Variants in ZNF804A observed in about 807,000 individuals in gnomAD.
ZNF804A encodes the protein zinc finger protein 804A.
A neutral mutation model predicts 16.5 loss-of-function variants in ZNF804A; 2 were observed. The ratio of observed to expected loss-of-function variants is 0.12; its 90% CI spans 0.05 to 0.38. The LOEUF is 0.38. Among genes scored for constraint, ZNF804A ranks in the 10% least tolerant of loss-of-function variants. The pLI is 0.99. For missense variants in ZNF804A, 1,473 were observed against 1,390.7 expected (o/e 1.06, Z -0.94); for synonymous variants, 534 against 489.6 (o/e 1.09, Z -1.20).
chr2:184,928,985 G>A (rs1023989767), intron 2 of ZNF804A, among the ~76,000 whole-genome samples: 3 of 152,200 alleles, frequency 2.0e-5, no homozygotes, highest in Non-Finnish European at 4.4e-5. Context: ...GTGAAATGAA[G>A]TTAAACCCAG....
chr2:184,862,842 T>C (rs1377572505), intron 1 of ZNF804A, among the ~76,000 whole-genome samples: 1 of 152,116 alleles, frequency 6.6e-6, no homozygotes, highest in Non-Finnish European at 1.5e-5. Context: ...TATTAGAGAA[T>C]TGGAGCTATT....
At chr2:184,750,778 A>T (rs991251496) in intron 1 of ZNF804A, among the ~76,000 whole-genome samples, 1 of 151,422 alleles carries the variant, frequency 6.6e-6, no homozygotes, top group Admixed American at 6.6e-5. Context: ...TCTAGGAATT[A>T]TACATCTTTT....
intron 1 of ZNF804A, among the ~76,000 whole-genome samples, chr2:184,664,856 A>G (rs1353715118): frequency 6.6e-6 from 1 of 152,170 alleles, no homozygotes. Flanking sequence ...GACTGTAATT[A>G]TGTGTTTTCT....
chr2:184,631,785 CA>C lies in ZNF804A; in HGVS notation c.111+32719del, dbSNP rs1276588780. 3.3e-5 allele frequency among the ~76,000 whole-genome samples: 5 copies of C among 152,032 alleles called. No homozygotes were observed. In the East Asian group the frequency reaches 9.6e-4, roughly 29 times the overall value. On this transcript the variant is annotated intron_variant, in intron 1 of 3. Coordinates refer to ENST00000302277, the MANE Select transcript of ZNF804A (RefSeq NM_194250.2). The stretch of plus-strand genomic sequence containing the variant: ...CAATTGATAACTTTGATTTATGAAA[CA>C]AAATCACTCCAAAAAGCTTATTGTC...
chr2:184,685,555 T>C (rs1373092767), intron 1 of ZNF804A, among the ~76,000 whole-genome samples: 1 of 152,060 alleles, frequency 6.6e-6, no homozygotes, highest in Non-Finnish European at 1.5e-5. Context: ...GGAGCTTCAT[T>C]GAGTGACAGA....
intron 2 of ZNF804A, among the ~76,000 whole-genome samples, chr2:184,926,725 C>A (rs986601082): frequency 1.3e-5 from 2 of 152,050 alleles, no homozygotes; most frequent in African/African-American, 4.8e-5. Context: ...CCTCTGACTT[C>A]GTGTTTTTAA....
Position 184,937,497 on chromosome 2 carries a change from A to C in ZNF804A, c.2101A>C (p.Asn701His). Residue 701 changes from asparagine to histidine, a missense_variant, in exon 4 of 4, where the codon AAT becomes CAT. Transcript: ENST00000302277. Reference protein sequence around the residue: ...NHCKKNTILLNGQSNATMIHS... With the variant: ...NHCKKNTILLHGQSNATMIHS... ...CTGTAAAAAGAACACAATACTTTTA[A>C]ATGGACAATCAAATGCAACAATGAT... 1 of 1,612,292 alleles carries C rather than the reference A, an allele frequency of 6.2e-7. No homozygotes were observed.
chr2:184,933,800 G>T lies in ZNF804A; in HGVS notation c.386+67G>T, dbSNP rs143691624. On this transcript the variant is annotated intron_variant, in intron 3 of 3. Transcript: ENST00000302277. ...CAAAAAAGGGGTATAGGGGGAGTCA[G>T]AAATAAAGGGCACAAATCTATTTAT... The T allele has an allele frequency of 3.6e-5, 53 of 1,483,662 alleles. 1 individual carries two copies. In the South Asian group the frequency reaches 6.3e-4, roughly 18 times the overall value. The allele number at this position is 1,483,662 out of a possible 1,614,324, so 91.9% of individuals were successfully genotyped here.
intron 1 of ZNF804A, among the ~76,000 whole-genome samples, chr2:184,643,002 A>G (rs1433882429): frequency 1.3e-5 from 2 of 152,116 alleles, no homozygotes; most frequent in Non-Finnish European, 2.9e-5. Context: ...ATTGATCTAC[A>G]GCTTCTCTAA....
chr2:184,616,036 C>G (rs971950858), intron 1 of ZNF804A, among the ~76,000 whole-genome samples: 1 of 152,192 alleles, frequency 6.6e-6, no homozygotes, highest in African/African-American at 2.4e-5. Context: ...AATCTGTCCT[C>G]CACCTTTCCA....
chr2:184,820,595 C>A (rs765989185), intron 1 of ZNF804A, among the ~76,000 whole-genome samples: 5 of 151,776 alleles, frequency 3.3e-5, no homozygotes, highest in Non-Finnish European at 5.9e-5. Context: ...AGAAATAAAG[C>A]ATGTTCAAAT....
chr2:184,868,038 T>C (rs1050533435), intron 2 of ZNF804A, among the ~76,000 whole-genome samples: 1 of 152,104 alleles, frequency 6.6e-6, no homozygotes, highest in Non-Finnish European at 1.5e-5. Context: ...AGTTTCTTAT[T>C]CTTAGTGAAC....
At position 184,606,856 on chromosome 2, in the gene ZNF804A, TAC is replaced by T. The variant is rs920934493; in HGVS notation, c.111+7800_111+7801del. 9.8e-5 allele frequency among the ~76,000 whole-genome samples: 10 copies of T among 101,848 alleles called. No homozygotes were observed. In the South Asian group the frequency reaches 1.3e-3, roughly 13 times the overall value. 66.8% of individuals were successfully genotyped at this position (101,848 alleles called of 152,430 possible). ...CTACACACACACACACACACACACATACACACACACACACATATCATATTGTT... is the reference window on the plus strand; with the variant it reads ...CTACACACACACACACACACACACATACACACACACACATATCATATTGTT... On this transcript the variant is annotated intron_variant, in intron 1 of 3. Coordinates refer to ENST00000302277, the MANE Select transcript of ZNF804A (RefSeq NM_194250.2).
rs566437582 is a variant in ZNF804A at position 184,741,995 on chromosome 2, T to TTA, written c.112-124368_112-124367dup. Among the ~76,000 whole-genome samples, 3 of 152,208 alleles carry TTA rather than the reference T, an allele frequency of 2.0e-5. No homozygotes were observed. In the South Asian group the frequency reaches 6.2e-4, roughly 32 times the overall value. On this transcript the variant is annotated intron_variant, in intron 1 of 3. Coordinates refer to ENST00000302277, the MANE Select transcript of ZNF804A (RefSeq NM_194250.2). ...ATAATAAATATTTTTGCATTTTAATTTATATATTCAGTCTAATTTTTATTT... is the reference window on the plus strand; with the variant it reads ...ATAATAAATATTTTTGCATTTTAATTTATATATATTCAGTCTAATTTTTATTT...
chr2:184,631,027 G>A (rs1332338650), intron 1 of ZNF804A, among the ~76,000 whole-genome samples: 1 of 152,130 alleles, frequency 6.6e-6, no homozygotes, highest in Non-Finnish European at 1.5e-5. Flanking sequence ...CTATGTTGCT[G>A]TTGAACTAAA....
chr2:184,784,744 A>G (rs1694422187), intron 1 of ZNF804A, among the ~76,000 whole-genome samples: 1 of 152,030 alleles, frequency 6.6e-6, no homozygotes. Flanking sequence ...TCTCTCTGAA[A>G]TGTTGAACTT....
chr2:184,687,034 C>T (rs1246055800), intron 1 of ZNF804A, among the ~76,000 whole-genome samples: 3 of 152,066 alleles, frequency 2.0e-5, no homozygotes, highest in East Asian at 1.9e-4. Flanking sequence ...CTTTAGGTAT[C>T]ACTTATAAAT....
chr2:184,887,290 A>C (rs1684908657), intron 2 of ZNF804A, among the ~76,000 whole-genome samples: 1 of 152,154 alleles, frequency 6.6e-6, no homozygotes, highest in Non-Finnish European at 1.5e-5. Flanking sequence ...CTCAGGCTAG[A>C]CCTTATTGTA....
chr2:184,843,408 AC>A (rs1695467986), intron 1 of ZNF804A, among the ~76,000 whole-genome samples: 1 of 151,548 alleles, frequency 6.6e-6, no homozygotes, highest in African/African-American at 2.4e-5. Context: ...GACTACAGGC[AC>A]CTGCCACCAT....
Sources: allele counts gnomAD v4.1 joint callset (sites outside exome capture counted in the v4.1 genomes callset), GRCh38; gene constraint gnomAD v4.1.1; transcripts MANE v1.5; gene names NCBI Gene and HGNC (gene_info 2026-07-23, HGNC 2026-07-21).